The following SKA1 variants were observed in gnomAD, a reference collection of about 807,000 sequenced individuals.
SKA1 encodes spindle and kinetochore associated complex subunit 1.
SKA1 carries 20 observed loss-of-function variants against 31.8 expected under a neutral mutation model. The observed-to-expected ratio is 0.63, with a 90% CI of 0.44 to 0.91. The LOEUF (loss-of-function observed/expected upper bound fraction) is 0.91. Ranked by LOEUF, SKA1 falls within the 40% of genes least tolerant of loss-of-function variation. The pLI is 0.00. For synonymous variants in SKA1, 88 were observed against 100.5 expected, an observed-to-expected ratio of 0.88 and a Z score of 0.74; for missense variants, 253 against 298.2, an observed-to-expected ratio of 0.85 and a Z score of 1.12.
intron 5 of SKA1, among the ~76,000 whole-genome samples, chr18:50,386,301 T>G (rs973608500): frequency 6.6e-6 from 1 of 152,224 alleles, no homozygotes; most frequent in East Asian, 1.9e-4. Context: ...ATTTTTTTAT[T>G]TCCTTGGGAT....
chr18:50,383,423 C>T (rs543232655), intron 4 of SKA1, among the ~76,000 whole-genome samples: 1 of 152,288 alleles, frequency 6.6e-6, no homozygotes, highest in African/African-American at 2.4e-5. Flanking sequence ...TCTTACCCAA[C>T]TCCACTGTTA....
intron 5 of SKA1, among the ~76,000 whole-genome samples, chr18:50,390,775 T>C (rs1197652815): frequency 1.3e-5 from 2 of 152,236 alleles, no homozygotes; most frequent in Admixed American, 1.3e-4. Flanking sequence ...AATTTATTAA[T>C]ATTTAAGTTT....
rs1057421077 is a variant in SKA1, at chr18:50,392,801, C to A, written c.*554C>A. The A allele has an allele frequency of 6.6e-6, 1 of 150,422 alleles. No individual in the cohort carries two copies. The highest frequency in any genetic ancestry group is 2.4e-5 in the African/African-American group (1 of 40,826). The allele number at this position is 150,422 out of a possible 1,614,324, so 9.3% of individuals were successfully genotyped here. On this transcript the variant is annotated 3_prime_UTR_variant, in exon 7 of 7. Transcript: ENST00000285116. ...CCGGACTGCAGCGGCGCTATCTCGG[C>A]TCACTGCAAACTCTGCCTCCCAGGT...
chr18:50,380,030 TA>T, intron 2 of SKA1, 95 bp from the exon 3 acceptor site: 1 of 1,070,680 alleles, frequency 9.3e-7, no homozygotes. Context: ...CACCCCTCTC[TA>T]AGGTACAGCT....
rs553689811 is a variant in SKA1, at chr18:50,388,886, C to T, written c.450-2238C>T. Among the ~76,000 whole-genome samples the T allele has an allele frequency of 1.4e-4, 21 of 152,204 alleles. No individual in the cohort carries two copies. The South Asian group carries it at 3.3e-3, about 24-fold the overall frequency. On this transcript the variant is annotated intron_variant, in intron 5 of 6. Coordinates refer to ENST00000285116, the MANE Select transcript of SKA1 (RefSeq NM_145060.4). Reference sequence around the variant, plus strand: ...ACTCATGGAAGTATGGGGGGGCTCCCTAAACTGGATCCCCAGGAGTTTTTA... The same window carrying T: ...ACTCATGGAAGTATGGGGGGGCTCCTTAAACTGGATCCCCAGGAGTTTTTA...
intron 2 of SKA1, among the ~76,000 whole-genome samples, chr18:50,376,261 A>G (rs2041214803): frequency 6.6e-6 from 1 of 152,218 alleles, no homozygotes. Flanking sequence ...GTGTTCTGAC[A>G]AAAGCGTTAC....
chr18:50,384,546 A>G (rs952732760), intron 4 of SKA1, among the ~76,000 whole-genome samples: 2 of 152,166 alleles, frequency 1.3e-5, no homozygotes, highest in African/African-American at 4.8e-5. Flanking sequence ...AGGGACTGAC[A>G]TGAGCAACCA....
chr18:50,385,486 C>G, intron 5 of SKA1, 133 bp downstream of exon 5: 1 of 828,708 alleles, frequency 1.2e-6, no homozygotes, highest in Non-Finnish European at 1.7e-6. Context: ...TCACATTATA[C>G]TATGAAAATG....
At position 50,392,322 on chromosome 18, in the gene SKA1, ATT is replaced by A; in HGVS notation, c.*81_*82del. On this transcript the variant is annotated 3_prime_UTR_variant, in exon 7 of 7. Transcript: ENST00000285116. ...TATTTCTATAATTTTCTTATATATAATTTTTTTAACTTTTAATCTTTTTTGTT... is the reference window on the plus strand; with the variant it reads ...TATTTCTATAATTTTCTTATATATAATTTTTAACTTTTAATCTTTTTTGTT... 1.0e-6 allele frequency: 1 copy of A among 982,694 alleles called. No individual in the cohort carries two copies. The highest frequency in any genetic ancestry group is 1.3e-6 in the Non-Finnish European group (1 of 746,160). 60.9% of individuals were successfully genotyped at this position (982,694 alleles called of 1,614,324 possible).
At chr18:50,376,900 A>T (rs2149318581) in intron 2 of SKA1, among the ~76,000 whole-genome samples, 1 of 152,058 alleles carries the variant, frequency 6.6e-6, no homozygotes, top group African/African-American at 2.4e-5. Context: ...GGTCAGGATC[A>T]TCAACATCTG....
chr18:50,381,229 A>G (rs1302800570), intron 3 of SKA1, among the ~76,000 whole-genome samples: 1 of 152,242 alleles, frequency 6.6e-6, no homozygotes, highest in Non-Finnish European at 1.5e-5. Flanking sequence ...CAAAGGCACA[A>G]AATATTTTCC....
chr18:50,381,882 C>A (rs1158603846), intron 3 of SKA1, among the ~76,000 whole-genome samples: 2 of 152,062 alleles, frequency 1.3e-5, no homozygotes, highest in African/African-American at 4.8e-5. Flanking sequence ...CGTGCCACCA[C>A]GCCCGGCTAA....
chr18:50,381,597 C>T (rs9304400), intron 3 of SKA1, among the ~76,000 whole-genome samples: 104,255 of 151,966 alleles, frequency 0.69, 35,920 homozygotes, highest in East Asian at 0.81. Context: ...GTGATTGTTC[C>T]CTGAAAAAAA....
rs530158505 is a variant in SKA1, at chr18:50,392,422, G to T, written c.*175G>T. The T allele has an allele frequency of 1.3e-3, 484 of 373,232 alleles. 7 individuals carry two copies. The highest frequency in any genetic ancestry group is 9.4e-3 in the African/African-American group (436 of 46,400). The allele number at this position is 373,232 out of a possible 1,614,324, so 23.1% of individuals were successfully genotyped here. ...CTTGCTTTGTCACGCAGGCTAGAGTGCAGTGGCGCAAACATGGCTCACTGC... is the reference window on the plus strand; with the variant it reads ...CTTGCTTTGTCACGCAGGCTAGAGTTCAGTGGCGCAAACATGGCTCACTGC... On this transcript the variant is annotated 3_prime_UTR_variant, in exon 7 of 7. Coordinates refer to ENST00000285116, the MANE Select transcript of SKA1 (RefSeq NM_145060.4).
intron 4 of SKA1, among the ~76,000 whole-genome samples, chr18:50,384,892 G>GAAAAAA (rs796154111): frequency 4.4e-5 from 3 of 68,540 alleles, no homozygotes; most frequent in South Asian, 4.0e-4. Context: ...AAAAAAAAAG[G>GAAAAAA]AAAAAAAAAA....
Position 50,392,266 on chromosome 18 carries a change from AACAT to A in SKA1, c.*22_*25del. 6.6e-7 allele frequency: 1 copy of A among 1,516,306 alleles called. No homozygotes were observed. Among genetic ancestry groups the A allele is most frequent in the East Asian group, 2.3e-5 (1 of 42,910 alleles). The allele number at this position is 1,516,306 out of a possible 1,614,324, so 93.9% of individuals were successfully genotyped here. A position where few individuals can be genotyped will look rare whatever the true frequency, so the allele number is the denominator to read the frequency against. On this transcript the variant is annotated 3_prime_UTR_variant, in exon 7 of 7. Coordinates refer to ENST00000285116, the MANE Select transcript of SKA1 (RefSeq NM_145060.4). ...AACCTGAGTCCCTTGTGAACTTTTGAACATACCAACAGGGTATAGAGTATAGAGG... is the reference window on the plus strand; with the variant it reads ...AACCTGAGTCCCTTGTGAACTTTTGAACCAACAGGGTATAGAGTATAGAGG...
At chr18:50,390,796 C>T (rs975668703) in intron 5 of SKA1, among the ~76,000 whole-genome samples, 10 of 152,062 alleles carry the variant, frequency 6.6e-5, no homozygotes, top group African/African-American at 9.7e-5. Context: ...TTCCTTTGCT[C>T]ACATTTAAAA....
intron 4 of SKA1, among the ~76,000 whole-genome samples, chr18:50,383,204 T>C (rs992187760): frequency 1.3e-5 from 2 of 152,168 alleles, no homozygotes; most frequent in Non-Finnish European, 1.5e-5. Context: ...CCTAGGGTGG[T>C]TGAAGGTCAT....
chr18:50,381,585 T>C (rs2041262601), intron 3 of SKA1, among the ~76,000 whole-genome samples: 1 of 152,204 alleles, frequency 6.6e-6, no homozygotes, highest in Non-Finnish European at 1.5e-5. Context: ...AATGTGATTA[T>C]AGTGATTGTT....
Sources: gnomAD v4.1 joint callset for allele counts (sites outside exome capture counted in the v4.1 genomes callset) on GRCh38, gnomAD v4.1.1 for gene constraint, MANE v1.5 for transcripts, NCBI Gene and HGNC (gene_info 2026-07-23, HGNC 2026-07-21) for gene names.